STK32C: variants seen among roughly 807,000 people sequenced by gnomAD.
STK32C encodes serine/threonine kinase 32C, also known as serine/threonine-protein kinase 32C.
Under a neutral mutation model 56.5 loss-of-function variants are expected in STK32C, and 31 were observed. That is an observed-to-expected ratio of 0.55 (90% CI 0.41 to 0.74). The LOEUF is 0.74. Ranked by LOEUF, STK32C falls within the 30% of genes least tolerant of loss-of-function variation. STK32C has a pLI of 0.00. For missense variants in STK32C, 544 were observed against 676.9 expected (o/e 0.80, Z 2.18); for synonymous variants, 309 against 289.4 (o/e 1.07, Z -0.69).
intron 1 of STK32C, among the ~76,000 whole-genome samples, chr10:132,257,540 C>A (rs970953804): frequency 1.4e-4 from 21 of 152,040 alleles, no homozygotes; most frequent in Admixed American, 5.2e-4. Context: ...GGCGGAGCTG[C>A]GAAGGAGTGG....
chr10:132,209,224 G>C (rs922448292), intron 10 of STK32C, 123 bp from the exon 11 acceptor site: 1 of 912,932 alleles, frequency 1.1e-6, no homozygotes, highest in Non-Finnish European at 1.8e-6. Context: ...GACGGCCTCT[G>C]GGCTATTGAA....
At chr10:132,315,907 A>G (rs2066300766) in intron 1 of STK32C, among the ~76,000 whole-genome samples, 1 of 152,134 alleles carries the variant, frequency 6.6e-6, no homozygotes, top group South Asian at 2.1e-4. Flanking sequence ...CAATTATAAA[A>G]GAGAGTCCAA....
At chr10:132,245,014 GCT>G (rs2063635834) in intron 2 of STK32C, among the ~76,000 whole-genome samples, 1 of 152,154 alleles carries the variant, frequency 6.6e-6, no homozygotes, top group Admixed American at 6.5e-5. Context: ...GGGCTCATTT[GCT>G]CTGACTTTTC....
At position 132,257,114 on chromosome 10, in the gene STK32C, G is replaced by A. The variant is rs942247320; in HGVS notation, c.263-11159C>T. ...AGGGCCACACTCAGGGCTCGCTGTG[G>A]GACCAGCTGGGGGCTGCCCATGAGG... is the stretch of plus-strand genomic sequence containing the variant. On this transcript the variant is annotated intron_variant, in intron 1 of 11. Transcript: ENST00000298630. Among the ~76,000 whole-genome samples the A allele has an allele frequency of 2.0e-5, 3 of 152,156 alleles. No homozygotes were observed. The South Asian group carries it at 6.2e-4, about 31-fold the overall frequency.
chr10:132,315,583 C>T (rs1324214008), intron 1 of STK32C, among the ~76,000 whole-genome samples: 1 of 152,142 alleles, frequency 6.6e-6, no homozygotes, highest in Non-Finnish European at 1.5e-5. Context: ...AACTTGACAA[C>T]CGGAGAGAAA....
At chr10:132,224,630 C>T (rs1190131312) in intron 7 of STK32C, 107 bp from the exon 8 acceptor site, 3 of 798,408 alleles carry the variant, frequency 3.8e-6, no homozygotes, top group South Asian at 1.5e-5. Context: ...TCCCCCCACC[C>T]CAAGTGCAGG....
In STK32C at chr10:132,222,614, G is replaced by A. The variant is rs11813988; in HGVS notation, c.1251+27C>T. 1,583 of 1,608,548 alleles carry A rather than the reference G, an allele frequency of 9.8e-4. 6 individuals carry two copies. The African/African-American group carries it at 0.016, about 16-fold the overall frequency. ...GGAGCCCCAAGCCCAGCCCGCCGCC[G>A]CGCCCTGAGCCTGCCCTGGCACTCA... On this transcript the variant is annotated intron_variant, in intron 10 of 11. Coordinates refer to ENST00000298630, the MANE Select transcript of STK32C (RefSeq NM_173575.4).
In STK32C at chr10:132,217,670, G is replaced by A. The variant is rs564673616; in HGVS notation, c.1251+4971C>T. Among the ~76,000 whole-genome samples the A allele has an allele frequency of 1.6e-4, 25 of 152,154 alleles. No individual in the cohort carries two copies. The South Asian group carries it at 1.7e-3, about 10-fold the overall frequency. On this transcript the variant is annotated intron_variant, in intron 10 of 11. Coordinates refer to ENST00000298630, the MANE Select transcript of STK32C (RefSeq NM_173575.4). ...TGGGAGGTGATTGAATTATGGGGGC[G>A]GGTCTTTCCTGTGCTGTTGTCATGA...
At position 132,269,845 on chromosome 10, in the gene STK32C, C is replaced by T. The variant is rs371390881; in HGVS notation, c.263-23890G>A. Among the ~76,000 whole-genome samples, 665 of 152,304 alleles carry T rather than the reference C, an allele frequency of 4.4e-3. 24 individuals are homozygous for T. In the South Asian group the frequency reaches 0.089, roughly 20 times the overall value. On this transcript the variant is annotated intron_variant, in intron 1 of 11. Coordinates refer to ENST00000298630, the MANE Select transcript of STK32C (RefSeq NM_173575.4). ...CTGAGAGGTTGGTGTTGGGAGGAGG[C>T]GTTCAGTGAGAGTCCCTAGCCTGCC...
chr10:132,268,054 C>T (rs1337202899), intron 1 of STK32C, among the ~76,000 whole-genome samples: 1 of 146,162 alleles, frequency 6.8e-6, no homozygotes, highest in East Asian at 2.1e-4. Context: ...TGTCTGTGTG[C>T]CCACATGTCC....
In STK32C at chr10:132,211,590, G is replaced by A. The variant is rs562284896; in HGVS notation, c.1252-2489C>T. ...CCCTTCCCAAGGTGTGTGTAGCGCC[G>A]CCAGCAGTACCCCATGGCAGGGTCT... On this transcript the variant is annotated intron_variant, in intron 10 of 11. Coordinates refer to ENST00000298630, the MANE Select transcript of STK32C (RefSeq NM_173575.4). 3.6e-4 allele frequency among the ~76,000 whole-genome samples: 55 copies of A among 152,296 alleles called. No homozygotes were observed. The South Asian group carries it at 8.9e-3, about 25-fold the overall frequency.
At chr10:132,274,585 G>A (rs1033139589) in intron 1 of STK32C, among the ~76,000 whole-genome samples, 11 of 152,212 alleles carry the variant, frequency 7.2e-5, no homozygotes, top group African/African-American at 2.7e-4. Context: ...ATCTAACAGG[G>A]CCTGGCCGCA....
chr10:132,285,300 G>A (rs2065367683), intron 1 of STK32C, among the ~76,000 whole-genome samples: 1 of 152,202 alleles, frequency 6.6e-6, no homozygotes, highest in Non-Finnish European at 1.5e-5. Flanking sequence ...TCTCACCCTG[G>A]GAGACTGATG....
chr10:132,317,571 C>T (rs1240115906), intron 1 of STK32C, among the ~76,000 whole-genome samples: 3 of 151,966 alleles, frequency 2.0e-5, no homozygotes, highest in Non-Finnish European at 4.4e-5. Context: ...GACATCTCTA[C>T]AAAAATTTTT....
At chr10:132,292,222 G>A (rs2065587807) in intron 1 of STK32C, among the ~76,000 whole-genome samples, 1 of 152,206 alleles carries the variant, frequency 6.6e-6, no homozygotes, top group South Asian at 2.1e-4. Context: ...TAGACAGCCA[G>A]TGCAGCACAC....
rs1484702345 is a variant in STK32C at position 132,255,563 on chromosome 10, C to T, written c.263-9608G>A. Among the ~76,000 whole-genome samples the T allele has an allele frequency of 6.6e-6, 1 of 152,166 alleles. No homozygotes were observed. The highest frequency in any genetic ancestry group is 6.5e-5 in the Admixed American group (1 of 15,280). On this transcript the variant is annotated intron_variant, in intron 1 of 11. Coordinates refer to ENST00000298630, the MANE Select transcript of STK32C (RefSeq NM_173575.4). This position sits in a 1 kb window ranked among gnomAD's most constrained non-coding sequence, Gnocchi z 4.6. ...GGGTGAGGAGGCTCCCGAGTTACAGCGGAGAACATAGAGCAGAAGCGTCCA... is the reference window on the plus strand; with the variant it reads ...GGGTGAGGAGGCTCCCGAGTTACAGTGGAGAACATAGAGCAGAAGCGTCCA...
At chr10:132,316,793 T>C (rs140136875) in intron 1 of STK32C, among the ~76,000 whole-genome samples, 2,216 of 152,258 alleles carry the variant, frequency 0.015, 44 homozygotes, top group South Asian at 0.045. Flanking sequence ...CGGTGGCTTA[T>C]GCCTGTAATC....
intron 2 of STK32C, among the ~76,000 whole-genome samples, chr10:132,229,566 G>A (rs2063021635): frequency 6.6e-6 from 1 of 152,224 alleles, no homozygotes; most frequent in African/African-American, 2.4e-5. Context: ...TGCCACGAAT[G>A]GTAACATGTT....
intron 10 of STK32C, among the ~76,000 whole-genome samples, chr10:132,220,096 T>A (rs768574559): frequency 1.6e-4 from 24 of 152,190 alleles, no homozygotes; most frequent in Non-Finnish European, 2.8e-4. Flanking sequence ...TGGGTACCTG[T>A]GAATGTGACC....
Sources: allele counts gnomAD v4.1 joint callset (sites outside exome capture counted in the v4.1 genomes callset), GRCh38; gene constraint gnomAD v4.1.1; non-coding constraint Gnocchi (gnomAD v3.1); transcripts MANE v1.5; gene names NCBI Gene and HGNC (gene_info 2026-07-23, HGNC 2026-07-21).